Variants in GRIN2B observed in about 807,000 individuals in gnomAD.
GRIN2B encodes glutamate ionotropic receptor NMDA type subunit 2B.
Under a neutral mutation model 114.5 loss-of-function variants are expected in GRIN2B, and 5 were observed. That is an observed-to-expected ratio of 0.04 (90% CI 0.02 to 0.09). The LOEUF (loss-of-function observed/expected upper bound fraction) is 0.09. Among genes scored for constraint, GRIN2B ranks in the 10% least tolerant of loss-of-function variants. The probability of loss-of-function intolerance (pLI) is 1.00; values close to 1 mark genes in which losing one functional copy is unlikely to be tolerated. For missense variants in GRIN2B, 1,108 were observed against 1,943.5 expected (o/e 0.57, Z 8.08); for synonymous variants, 787 against 745.1 (o/e 1.06, Z -0.92).
chr12:13,774,529 G>T (rs1863966881), intron 3 of GRIN2B, among the ~76,000 whole-genome samples: 1 of 152,186 alleles, frequency 6.6e-6, no homozygotes, highest in Non-Finnish European at 1.5e-5. Context: ...TGAGGACAGG[G>T]TTATAGCAGA....
At chr12:13,746,648 TC>T (rs1214534811) in intron 4 of GRIN2B, among the ~76,000 whole-genome samples, 1 of 152,054 alleles carries the variant, frequency 6.6e-6, no homozygotes, top group Non-Finnish European at 1.5e-5. Context: ...TGGATGTTTG[TC>T]CCCCCCAAAT....
intron 10 of GRIN2B, among the ~76,000 whole-genome samples, chr12:13,605,468 T>A (rs1949228355): frequency 6.7e-6 from 1 of 150,024 alleles, no homozygotes. Flanking sequence ...CATTGGCCAA[T>A]GAGACTGCAG....
At chr12:13,908,653 G>A (rs1011451098) in intron 2 of GRIN2B, among the ~76,000 whole-genome samples, 9 of 152,050 alleles carry the variant, frequency 5.9e-5, no homozygotes, top group African/African-American at 2.2e-4. Context: ...AGGAGACATA[G>A]AACAATGTTA....
rs1309032904 is a variant in GRIN2B, at chr12:13,562,280, G to C, written c.*503C>G. 1 of 162,494 alleles carries C rather than the reference G, an allele frequency of 6.2e-6. No homozygotes were observed. The highest frequency in any genetic ancestry group is 1.8e-4 in the East Asian group (1 of 5,580). 10.1% of individuals were successfully genotyped at this position (162,494 alleles called of 1,614,324 possible). A position where few individuals can be genotyped will look rare whatever the true frequency, so the allele number is the denominator to read the frequency against. On this transcript the variant is annotated 3_prime_UTR_variant, in exon 14 of 14. Coordinates refer to ENST00000609686, the MANE Select transcript of GRIN2B (RefSeq NM_000834.5). ...TTCCTAGACAGATGTCATCTAAGCAGCATGAATTTAGCCAGAGCCTCTTTC... is the reference window on the plus strand; with the variant it reads ...TTCCTAGACAGATGTCATCTAAGCACCATGAATTTAGCCAGAGCCTCTTTC...
At position 13,550,930 on chromosome 12, in the gene GRIN2B, G is replaced by C. The variant is rs144277216; in HGVS notation, c.*11853C>G. ...AAATTGAGAAAGAGAAGTAAAGAAT[G>C]CAAGAGATGAAAAGTTAGTGAAGGG... On this transcript the variant is annotated 3_prime_UTR_variant, in exon 14 of 14. Transcript: ENST00000609686. 9.2e-5 allele frequency: 14 copies of C among 152,290 alleles called. No individual in the cohort carries two copies. In the East Asian group the frequency reaches 2.5e-3, roughly 27 times the overall value. The allele number at this position is 152,290 out of a possible 1,614,324, so 9.4% of individuals were successfully genotyped here.
chr12:13,937,024 G>A (rs966794620), intron 2 of GRIN2B, among the ~76,000 whole-genome samples: 2 of 146,950 alleles, frequency 1.4e-5, no homozygotes, highest in Non-Finnish European at 3.0e-5. Flanking sequence ...CACCTTGGCT[G>A]TCTGCCTAGA....
chr12:13,717,998 C>A (rs1950472394), intron 4 of GRIN2B, among the ~76,000 whole-genome samples: 1 of 152,044 alleles, frequency 6.6e-6, no homozygotes, highest in African/African-American at 2.4e-5. Flanking sequence ...CCTCTTCGTT[C>A]TCCTCCATGA....
chr12:13,606,914 G>C (rs990201675), intron 10 of GRIN2B, among the ~76,000 whole-genome samples: 2 of 151,470 alleles, frequency 1.3e-5, no homozygotes, highest in Non-Finnish European at 2.9e-5. Flanking sequence ...AAATACAAGA[G>C]AGAGAATTTT....
chr12:13,845,372 A>G (rs1017587626), intron 3 of GRIN2B, among the ~76,000 whole-genome samples: 3 of 152,204 alleles, frequency 2.0e-5, no homozygotes, highest in African/African-American at 7.2e-5. Flanking sequence ...ACATTAAAAT[A>G]TCATATCCTC....
chr12:13,874,484 T>C (rs1865965117), intron 2 of GRIN2B, among the ~76,000 whole-genome samples: 2 of 152,220 alleles, frequency 1.3e-5, no homozygotes, highest in Admixed American at 1.3e-4. Flanking sequence ...TTTTCTTTTT[T>C]CCTTAATATG....
chr12:13,810,108 T>G (rs1864697661), intron 3 of GRIN2B, among the ~76,000 whole-genome samples: 1 of 152,128 alleles, frequency 6.6e-6, no homozygotes, highest in African/African-American at 2.4e-5. Flanking sequence ...AGACCTTCCC[T>G]ACCATCCTGT....
intron 5 of GRIN2B, among the ~76,000 whole-genome samples, chr12:13,639,853 C>A (rs936440479): frequency 1.3e-5 from 2 of 152,060 alleles, no homozygotes; most frequent in Non-Finnish European, 2.9e-5. Flanking sequence ...CTCTCTCCAT[C>A]CCTTTCCCTT....
intron 3 of GRIN2B, among the ~76,000 whole-genome samples, chr12:13,840,199 C>G (rs1048592660): frequency 5.3e-5 from 8 of 152,206 alleles, no homozygotes; most frequent in African/African-American, 1.9e-4. Flanking sequence ...CTCCATATCA[C>G]TGGGGCCAAC....
At chr12:13,641,421 C>T (rs1591654780) in intron 5 of GRIN2B, among the ~76,000 whole-genome samples, 2 of 152,048 alleles carry the variant, frequency 1.3e-5, no homozygotes, top group Admixed American at 1.3e-4. Flanking sequence ...CTTTGGGTAG[C>T]TCTCAGCCTG....
At chr12:13,890,120 ATGGC>A (rs925588787) in intron 2 of GRIN2B, among the ~76,000 whole-genome samples, 1 of 152,122 alleles carries the variant, frequency 6.6e-6, no homozygotes, top group South Asian at 2.1e-4. Context: ...CCCTGACTAT[ATGGC>A]TGGCCTATCT....
Position 13,969,747 on chromosome 12 carries a change from T to C in GRIN2B, c.-19+10181A>G, listed in dbSNP as rs545134649. 3.9e-5 allele frequency among the ~76,000 whole-genome samples: 6 copies of C among 152,222 alleles called. No homozygotes were observed. The East Asian group carries it at 1.2e-3, about 29-fold the overall frequency. ...AATGCAGACTTATCAATAAACTAGA[T>C]TGCCTGCAATGGTTACTGAAAGATC... is the stretch of plus-strand genomic sequence containing the variant. On this transcript the variant is annotated intron_variant, in intron 2 of 13. Coordinates refer to ENST00000609686, the MANE Select transcript of GRIN2B (RefSeq NM_000834.5).
At chr12:13,973,658 G>A (rs1408055859) in intron 2 of GRIN2B, among the ~76,000 whole-genome samples, 4 of 152,174 alleles carry the variant, frequency 2.6e-5, no homozygotes, top group African/African-American at 4.8e-5. Context: ...TCTTAGGTCA[G>A]TCAATGGTGG....
intron 2 of GRIN2B, among the ~76,000 whole-genome samples, chr12:13,884,315 A>G (rs923403174): frequency 1.3e-5 from 2 of 152,178 alleles, no homozygotes; most frequent in African/African-American, 4.8e-5. Context: ...CAAAAATTTA[A>G]GAAACGTAGA....
chr12:13,598,674 T>C (rs1482156172), intron 10 of GRIN2B, among the ~76,000 whole-genome samples: 1 of 152,192 alleles, frequency 6.6e-6, no homozygotes, highest in African/African-American at 2.4e-5. Context: ...TTTCTTACTT[T>C]TGATTTCCTG....
Sources: gnomAD v4.1 joint callset for allele counts (sites outside exome capture counted in the v4.1 genomes callset) on GRCh38, gnomAD v4.1.1 for gene constraint, MANE v1.5 for transcripts, NCBI Gene and HGNC (gene_info 2026-07-23, HGNC 2026-07-21) for gene names.